DOCK2: variants seen among roughly 807,000 people sequenced by gnomAD.
DOCK2 encodes the protein dedicator of cytokinesis 2.
DOCK2 carries 87 observed loss-of-function variants against 248.9 expected under a neutral mutation model. The observed-to-expected ratio is 0.35, with a 90% confidence interval of 0.29 to 0.42. The LOEUF is 0.42. Ranked by LOEUF, DOCK2 falls within the 10% of genes least tolerant of loss-of-function variation. DOCK2 has a pLI of 1.00. For synonymous variants in DOCK2, 805 were observed against 821.6 expected (o/e 0.98, Z 0.35); for missense variants, 1,747 against 2,300.2 (o/e 0.76, Z 4.92).
intron 28 of DOCK2, among the ~76,000 whole-genome samples, chr5:169,983,583 C>A (rs1382863407): frequency 6.6e-6 from 1 of 152,160 alleles, no homozygotes; most frequent in Non-Finnish European, 1.5e-5. Flanking sequence ...CTTCTTCTAG[C>A]CTCTCAGGAT....
At chr5:169,810,981 T>TCACACACA (rs1246188439) in intron 26 of DOCK2, among the ~76,000 whole-genome samples, 278 of 142,112 alleles carry the variant, frequency 2.0e-3, no homozygotes, top group Middle Eastern at 0.011. Flanking sequence ...ACTCTCTCTC[T>TCACACACA]CTCTCTCTCA....
intron 1 of DOCK2, among the ~76,000 whole-genome samples, chr5:169,638,889 C>T (rs998643341): frequency 6.6e-6 from 1 of 152,102 alleles, no homozygotes; most frequent in African/African-American, 2.4e-5. Flanking sequence ...GACCCTAGGC[C>T]CTTTGCATGG....
At chr5:169,684,928 G>A (rs565069085) in intron 8 of DOCK2, among the ~76,000 whole-genome samples, 1 of 152,298 alleles carries the variant, frequency 6.6e-6, no homozygotes, top group East Asian at 1.9e-4. Context: ...GGATTATAGG[G>A]GTGAGCCACT....
chr5:169,711,806 G>A (rs552768974), intron 15 of DOCK2, 129 bp from the exon 16 acceptor site: 4 of 870,718 alleles, frequency 4.6e-6, no homozygotes, highest in Non-Finnish European at 7.5e-6. Flanking sequence ...CAGCCTCAAT[G>A]GATGGGTTGT....
At chr5:169,745,973 A>C (rs1233072618) in intron 22 of DOCK2, among the ~76,000 whole-genome samples, 1 of 152,182 alleles carries the variant, frequency 6.6e-6, no homozygotes, top group Non-Finnish European at 1.5e-5. Flanking sequence ...GCACGTAGCC[A>C]CTTCAACACT....
chr5:170,059,315 C>T (rs914832458), intron 44 of DOCK2, among the ~76,000 whole-genome samples: 2 of 152,024 alleles, frequency 1.3e-5, no homozygotes, highest in African/African-American at 4.8e-5. Context: ...TTCTCATAGA[C>T]CCCAGTGAGG....
At chr5:169,981,123 G>A (rs1199434113) in intron 27 of DOCK2, among the ~76,000 whole-genome samples, 1 of 152,066 alleles carries the variant, frequency 6.6e-6, no homozygotes, top group East Asian at 1.9e-4. Context: ...ACTTTGTTCT[G>A]GGACTCACTA....
At chr5:169,747,606 TC>T in intron 23 of DOCK2, 102 bp downstream of exon 23, 1 of 1,035,588 alleles carries the variant, frequency 9.7e-7, no homozygotes, top group Non-Finnish European at 1.4e-6. Context: ...CAAACTTGTA[TC>T]CAGTGAAGGC....
chr5:169,939,535 T>C (rs931375401), intron 27 of DOCK2, among the ~76,000 whole-genome samples: 3 of 152,046 alleles, frequency 2.0e-5, no homozygotes, highest in Non-Finnish European at 4.4e-5. Flanking sequence ...TTATTGTCAA[T>C]TATGTGCTGT....
intron 9 of DOCK2, among the ~76,000 whole-genome samples, chr5:169,692,525 G>T (rs771370756): frequency 6.6e-6 from 1 of 151,988 alleles, no homozygotes; most frequent in Non-Finnish European, 1.5e-5. Flanking sequence ...TGTGTGTGTG[G>T]GGGTGGGGTG....
At chr5:169,814,880 A>G (rs557033566) in intron 26 of DOCK2, among the ~76,000 whole-genome samples, 12 of 152,300 alleles carry the variant, frequency 7.9e-5, no homozygotes, top group African/African-American at 2.2e-4. Flanking sequence ...AAAATCCAGA[A>G]AGGACTAGCC....
chr5:169,685,265 T>C (rs1194127214), intron 8 of DOCK2, among the ~76,000 whole-genome samples: 3 of 152,226 alleles, frequency 2.0e-5, no homozygotes, highest in Non-Finnish European at 4.4e-5. Flanking sequence ...TAAGTTGTTC[T>C]TGGGAATGGA....
intron 27 of DOCK2, among the ~76,000 whole-genome samples, chr5:169,877,406 C>T (rs1481088352): frequency 4.6e-5 from 7 of 152,098 alleles, no homozygotes; most frequent in Non-Finnish European, 7.4e-5. Context: ...TCTGAACCTG[C>T]GGCAGAGGAA....
chr5:169,958,107 A>G (rs1776938969), intron 27 of DOCK2, among the ~76,000 whole-genome samples: 1 of 152,182 alleles, frequency 6.6e-6, no homozygotes, highest in African/African-American at 2.4e-5. Flanking sequence ...AGTGTGAAAC[A>G]TGACGTCCAC....
At chr5:169,742,585 C>T (rs934873160) in intron 22 of DOCK2, among the ~76,000 whole-genome samples, 1 of 152,114 alleles carries the variant, frequency 6.6e-6, no homozygotes, top group African/African-American at 2.4e-5. Flanking sequence ...GGAGGCTCTC[C>T]CTCCACCCCT....
At chr5:170,029,666 C>T (rs1251280436) in intron 34 of DOCK2, among the ~76,000 whole-genome samples, 1 of 152,206 alleles carries the variant, frequency 6.6e-6, no homozygotes, top group Non-Finnish European at 1.5e-5. Context: ...GAGGCCTTCT[C>T]CTAAGGCTTA....
rs546065683 is a variant in DOCK2, at chr5:169,834,934, G to T, written c.2704-5823G>T. Among the ~76,000 whole-genome samples the T allele has an allele frequency of 1.4e-3, 210 of 152,310 alleles. 1 individual carries two copies. Among genetic ancestry groups the T allele is most frequent in the Non-Finnish European group, 2.2e-3 (152 of 68,032 alleles). ...GCAAACTTTAGAAAAGAGGCAGAGA[G>T]AACTTAGAAAAATAGCAGAAGAGAC... On this transcript the variant is annotated intron_variant, in intron 26 of 51. Coordinates refer to ENST00000520908, the MANE Select transcript of DOCK2 (RefSeq NM_004946.3).
intron 4 of DOCK2, 55 bp from the exon 5 acceptor site, chr5:169,671,023 T>A (rs2113290429): frequency 1.3e-6 from 2 of 1,526,128 alleles, no homozygotes; most frequent in South Asian, 2.3e-5. Context: ...TGGTGTTTTA[T>A]CTTGTTAGCA....
chr5:169,678,871 A>C (rs1340791228), intron 6 of DOCK2, among the ~76,000 whole-genome samples: 1 of 152,154 alleles, frequency 6.6e-6, no homozygotes, highest in Non-Finnish European at 1.5e-5. Context: ...CAGGGTGGGG[A>C]TGACAACCAC....
Sources: allele counts gnomAD v4.1 joint callset (sites outside exome capture counted in the v4.1 genomes callset), GRCh38; gene constraint gnomAD v4.1.1; transcripts MANE v1.5; gene names NCBI Gene and HGNC (gene_info 2026-07-23, HGNC 2026-07-21).